Variants in PTPRA observed in about 807,000 individuals in gnomAD.
PTPRA encodes the protein receptor-type tyrosine-protein phosphatase alpha.
A neutral mutation model predicts 104.8 loss-of-function variants in PTPRA; 25 were observed. That is an observed-to-expected ratio of 0.24 (90% CI 0.17 to 0.33). The LOEUF (loss-of-function observed/expected upper bound fraction) is 0.33. Among genes scored for constraint, PTPRA ranks in the 10% least tolerant of loss-of-function variants. The pLI, the probability that PTPRA is intolerant of heterozygous loss-of-function variation, is 1.00. For missense variants in PTPRA, 765 were observed against 1,015.3 expected (o/e 0.75, Z 3.35); for synonymous variants, 323 against 368.9 (o/e 0.88, Z 1.43).
chr20:2,943,216 C>CA (rs1449481531), intron 2 of PTPRA, among the ~76,000 whole-genome samples: 1 of 143,566 alleles, frequency 7.0e-6, no homozygotes, highest in South Asian at 2.5e-4. Flanking sequence ...TCCCCCCACC[C>CA]CCCCCCCAGA....
chr20:2,900,389 C>T, intron 1 of PTPRA, among the ~76,000 whole-genome samples: 1 of 152,162 alleles, frequency 6.6e-6, no homozygotes, highest in East Asian at 1.9e-4. Context: ...CCCCCAGCCC[C>T]ACTGAATGAG....
At chr20:2,985,544 C>T (rs1158917340) in intron 6 of PTPRA, among the ~76,000 whole-genome samples, 4 of 151,940 alleles carry the variant, frequency 2.6e-5, no homozygotes, top group African/African-American at 9.7e-5. Flanking sequence ...AGAGTGGAGG[C>T]GGATGAGTCA....
At chr20:3,007,105 A>C (rs572970201) in intron 10 of PTPRA, among the ~76,000 whole-genome samples, 1 of 152,096 alleles carries the variant, frequency 6.6e-6, no homozygotes, top group Non-Finnish European at 1.5e-5. Context: ...TTTTTTCTCA[A>C]CTACTTAGTA....
At chr20:3,019,182 GGCGGCCGGCCGGGC>G (rs1181855444) in intron 13 of PTPRA, among the ~76,000 whole-genome samples, 1,481 of 147,728 alleles carry the variant, frequency 0.01, 27 homozygotes, top group African/African-American at 0.034. Flanking sequence ...TCCCGGACGG[GGCGGCCGGCCGGGC>G]GTGGGGCTGA....
Position 2,873,565 on chromosome 20 carries a change from C to T in PTPRA, c.-324C>T, listed in dbSNP as rs2089492396. 2 of 151,638 alleles carry T rather than the reference C, an allele frequency of 1.3e-5. No homozygotes were observed. The highest frequency in any genetic ancestry group is 1.3e-4 in the Admixed American group (2 of 15,214). 9.4% of individuals were successfully genotyped at this position (151,638 alleles called of 1,614,324 possible). A position where few individuals can be genotyped will look rare whatever the true frequency, so the allele number is the denominator to read the frequency against. ...GCGCTCGGACCCCGGCCGCTGCCGC[C>T]ATCACTGTCGCCCGCCCAGTCGCCC... On this transcript the variant is annotated 5_prime_UTR_variant, in exon 1 of 24. Coordinates refer to ENST00000399903, the MANE Select transcript of PTPRA (RefSeq NM_001385305.1). The surrounding 1 kb of genome is among the most constrained non-coding windows in gnomAD (Gnocchi z 4.4).
At chr20:2,952,896 C>T (rs973171145) in intron 3 of PTPRA, among the ~76,000 whole-genome samples, 3 of 152,142 alleles carry the variant, frequency 2.0e-5, no homozygotes, top group African/African-American at 7.2e-5. Context: ...GAATTTCCTT[C>T]CTTTTTAAGG....
intron 7 of PTPRA, among the ~76,000 whole-genome samples, chr20:2,987,416 G>A (rs1169157360): frequency 6.6e-6 from 1 of 152,016 alleles, no homozygotes; most frequent in East Asian, 1.9e-4. Flanking sequence ...ACCCAAGGGA[G>A]AGAAGAGGGT....
rs1267996813 is a variant in PTPRA at position 2,873,635 on chromosome 20, C to G, written c.-254C>G. On this transcript the variant is annotated 5_prime_UTR_variant, in exon 1 of 24. Transcript: ENST00000399903. This position sits in a 1 kb window ranked among gnomAD's most constrained non-coding sequence, Gnocchi z 4.4. ...CATGGAGGCGAGGCCGCCGCCGCCGCCGCGGGGCTCGGAGCCGCGGGCCGG... is the reference window on the plus strand; with the variant it reads ...CATGGAGGCGAGGCCGCCGCCGCCGGCGCGGGGCTCGGAGCCGCGGGCCGG... The G allele has an allele frequency of 6.6e-6, 1 of 150,706 alleles. No individual in the cohort carries two copies. The highest frequency in any genetic ancestry group is 1.5e-5 in the Non-Finnish European group (1 of 67,522). The allele number at this position is 150,706 out of a possible 1,614,324, so 9.3% of individuals were successfully genotyped here. A position where few individuals can be genotyped will look rare whatever the true frequency, so the allele number is the denominator to read the frequency against.
intron 3 of PTPRA, among the ~76,000 whole-genome samples, chr20:2,954,197 C>A (rs2061455514): frequency 6.6e-6 from 1 of 151,450 alleles, no homozygotes; most frequent in African/African-American, 2.4e-5. Context: ...CCTGCCTCAG[C>A]CTCCTGAGTA....
chr20:2,999,861 G>C (rs1568688545), intron 9 of PTPRA, among the ~76,000 whole-genome samples: 1 of 152,148 alleles, frequency 6.6e-6, no homozygotes, highest in Non-Finnish European at 1.5e-5. Flanking sequence ...ACATGAAAAT[G>C]CAAAACCTCT....
intron 5 of PTPRA, among the ~76,000 whole-genome samples, chr20:2,968,520 TAATA>T (rs2062030668): frequency 6.7e-6 from 1 of 149,528 alleles, no homozygotes; most frequent in Non-Finnish European, 1.5e-5. Flanking sequence ...CTCAAATTCT[TAATA>T]TTTGGATATT....
chr20:2,945,465 C>T (rs1327123820), intron 2 of PTPRA, among the ~76,000 whole-genome samples: 3 of 152,112 alleles, frequency 2.0e-5, no homozygotes, highest in African/African-American at 4.8e-5. Context: ...AACTTCATTT[C>T]ACTACCTAAT....
At chr20:2,958,658 TAAAAAAAA>T (rs71195806) in intron 3 of PTPRA, among the ~76,000 whole-genome samples, 3,048 of 62,262 alleles carry the variant, frequency 0.049, 65 homozygotes, top group East Asian at 0.17. Context: ...CCATCTCTAC[TAAAAAAAA>T]AAAAAAAAAA....
intron 1 of PTPRA, among the ~76,000 whole-genome samples, chr20:2,893,421 A>G (rs961199623): frequency 1.3e-5 from 2 of 152,200 alleles, no homozygotes; most frequent in Non-Finnish European, 2.9e-5. Flanking sequence ...AGTTATGCAC[A>G]TCAACTGGAC....
chr20:2,953,462 T>C (rs978722564), intron 3 of PTPRA, among the ~76,000 whole-genome samples: 3 of 151,412 alleles, frequency 2.0e-5, no homozygotes, highest in East Asian at 1.9e-4. Context: ...ACTGTGTTAA[T>C]CAGGATGGTC....
At chr20:2,921,091 A>G (rs1568654144) in intron 1 of PTPRA, among the ~76,000 whole-genome samples, 1 of 152,222 alleles carries the variant, frequency 6.6e-6, no homozygotes, top group African/African-American at 2.4e-5. Context: ...TTGAGAAGCA[A>G]GGCCAACAAC....
chr20:3,018,871 C>A (rs1449767587), intron 13 of PTPRA, among the ~76,000 whole-genome samples: 1 of 115,426 alleles, frequency 8.7e-6, no homozygotes. Flanking sequence ...CCCCACCTCC[C>A]TCCCGGACGG....
the PTPRA span, chr20:2,865,473 A>G: frequency 6.2e-7 from 1 of 1,614,090 alleles, no homozygotes; most frequent in South Asian, 1.1e-5. The surrounding 1 kb of genome is among the most constrained non-coding windows in gnomAD (Gnocchi z 5.2). Context: ...TCCAAGAGCA[A>G]GAAATCACCC....
intron 13 of PTPRA, among the ~76,000 whole-genome samples, chr20:3,019,967 G>T (rs973507343): frequency 6.6e-6 from 1 of 151,058 alleles, no homozygotes; most frequent in African/African-American, 2.4e-5. Context: ...GCAGGCACTC[G>T]GCAGGCTGAG....
Sources: gnomAD v4.1 joint callset for allele counts (sites outside exome capture counted in the v4.1 genomes callset) on GRCh38, gnomAD v4.1.1 for gene constraint, Gnocchi (gnomAD v3.1) non-coding constraint, MANE v1.5 for transcripts, NCBI Gene and HGNC (gene_info 2026-07-23, HGNC 2026-07-21) for gene names.